The following RBM19 variants were observed in gnomAD, a reference collection of about 807,000 sequenced individuals.
RBM19 encodes the protein RNA binding motif protein 19.
A neutral mutation model predicts 116.8 loss-of-function variants in RBM19; 94 were observed. The observed-to-expected ratio is 0.80, with a 90% confidence interval of 0.68 to 0.95. The LOEUF is 0.95. RBM19 is among the 40% of genes least tolerant of loss of function. The pLI, the probability that RBM19 is intolerant of heterozygous loss-of-function variation, is 0.00. For missense variants in RBM19, 1,161 were observed against 1,220.7 expected (o/e 0.95, Z 0.73); for synonymous variants, 475 against 494.1 (o/e 0.96, Z 0.51).
At chr12:113,948,725 A>C in intron 10 of RBM19, 108 bp downstream of exon 10, 72 of 1,093,814 alleles carry the variant, frequency 6.6e-5, no homozygotes, top group Non-Finnish European at 7.7e-5. Context: ...AACTGAGGCA[A>C]GAGATGTGGA....
intron 23 of RBM19, among the ~76,000 whole-genome samples, chr12:113,830,589 G>GT (rs796386996): frequency 4.1e-5 from 3 of 73,102 alleles, no homozygotes; most frequent in East Asian, 7.0e-4. Context: ...GGGGGGGGGG[G>GT]TGGGCTATGC....
At chr12:113,931,054 AGT>A (rs1243154026) in intron 16 of RBM19, among the ~76,000 whole-genome samples, 4 of 152,372 alleles carry the variant, frequency 2.6e-5, no homozygotes, top group African/African-American at 9.6e-5. Flanking sequence ...TAAACAGAAC[AGT>A]GAGTGACTGT....
intron 20 of RBM19, among the ~76,000 whole-genome samples, chr12:113,916,303 A>C (rs1433547407): frequency 6.6e-6 from 1 of 152,178 alleles, no homozygotes; most frequent in Non-Finnish European, 1.5e-5. Context: ...GTTACTTGGG[A>C]GGCTGAGGCA....
chr12:113,945,685 A>G, intron 13 of RBM19, 143 bp downstream of exon 13: 1 of 661,934 alleles, frequency 1.5e-6, no homozygotes, highest in Non-Finnish European at 2.6e-6. Context: ...AGCACCTTCC[A>G]TTCCAGAGGC....
intron 14 of RBM19, among the ~76,000 whole-genome samples, chr12:113,941,436 TCA>T (rs1485688714): frequency 1.3e-5 from 2 of 152,370 alleles, no homozygotes; most frequent in African/African-American, 2.4e-5. Flanking sequence ...AGAGCTGCTT[TCA>T]CAGAGTGGCC....
rs116970015 is a variant in RBM19, at chr12:113,856,131, G to A, written c.2664+2660C>T. ...CTGATGGGGAGAAGGGCCAGTCCCGGAGAGGCTGTGAGTTGAGCCTGTACT... is the reference window on the plus strand; with the variant it reads ...CTGATGGGGAGAAGGGCCAGTCCCGAAGAGGCTGTGAGTTGAGCCTGTACT... On this transcript the variant is annotated intron_variant, in intron 22 of 23. Transcript: ENST00000261741. Among the ~76,000 whole-genome samples the A allele has an allele frequency of 3.3e-4, 50 of 152,318 alleles. 2 individuals are homozygous for A. In the East Asian group the frequency reaches 9.1e-3, roughly 28 times the overall value.
chr12:113,850,906 C>T (rs927436894), intron 22 of RBM19, among the ~76,000 whole-genome samples: 2 of 152,240 alleles, frequency 1.3e-5, no homozygotes, highest in African/African-American at 4.8e-5. Context: ...GTGGCTGGCA[C>T]TGTTGGGGGC....
At position 113,962,330 on chromosome 12, in the gene RBM19, A is replaced by G. The variant is rs774960617; in HGVS notation, c.121T>C (p.Phe41Leu). 9 of 1,614,248 alleles carry G rather than the reference A, an allele frequency of 5.6e-6. No individual in the cohort carries two copies. In the South Asian group the frequency reaches 6.6e-5, roughly 12 times the overall value. ...AAGCCAATAAAACCAAACTTGCGGA[A>G]CTTGCCATCTTTGGTGAACTTCAGG... Reference protein sequence around the residue: ...CSLKFTKDGKFRKFGFIGFKS... With the variant: ...CSLKFTKDGKLRKFGFIGFKS... The change falls in exon 2 of 24, where the codon TTC (phenylalanine) becomes CTC (leucine). Residue 41 changes from phenylalanine (F) to leucine (L), a missense_variant. Transcript: ENST00000261741.
In RBM19 at chr12:113,823,170, A is replaced by T; in HGVS notation, c.*54T>A. 6 of 1,454,462 alleles carry T rather than the reference A, an allele frequency of 4.1e-6. No individual in the cohort carries two copies. The highest frequency in any genetic ancestry group is 5.7e-6 in the Non-Finnish European group (6 of 1,053,662). 90.1% of individuals were successfully genotyped at this position (1,454,462 alleles called of 1,614,324 possible). On this transcript the variant is annotated 3_prime_UTR_variant, in exon 24 of 24. Coordinates refer to ENST00000261741, the MANE Select transcript of RBM19 (RefSeq NM_016196.4). ...ACATGGTGGTGAGTGCAGAAGCTGG[A>T]GCGGCTGTCCCGGTCCCCAGGGCCC...
At chr12:113,897,166 G>T (rs1881393263) in intron 21 of RBM19, among the ~76,000 whole-genome samples, 1 of 152,196 alleles carries the variant, frequency 6.6e-6, no homozygotes, top group South Asian at 2.1e-4. Flanking sequence ...CTGACAGTCA[G>T]TGTTTATTTT....
rs979827945 is a variant in RBM19, at chr12:113,822,994, G to A, written c.*230C>T. On this transcript the variant is annotated 3_prime_UTR_variant, in exon 24 of 24. Transcript: ENST00000261741. Reference sequence around the variant, plus strand: ...GTGTCTGCTACAGAGCAGGTGCGCAGTCAGTGTCTGCTAGAACGCGTCACT... The same window carrying A: ...GTGTCTGCTACAGAGCAGGTGCGCAATCAGTGTCTGCTAGAACGCGTCACT... 2 of 544,388 alleles carry A rather than the reference G, an allele frequency of 3.7e-6. No homozygotes were observed. Among genetic ancestry groups the A allele is most frequent in the Non-Finnish European group, 6.6e-6 (2 of 302,098 alleles). The allele number at this position is 544,388 out of a possible 1,614,324, so 33.7% of individuals were successfully genotyped here.
chr12:113,873,721 G>A (rs1478610144), intron 21 of RBM19, among the ~76,000 whole-genome samples: 1 of 151,410 alleles, frequency 6.6e-6, no homozygotes, highest in Non-Finnish European at 1.5e-5. Flanking sequence ...AAGGCACTGT[G>A]TATTTTAGGA....
At chr12:113,870,262 G>C (rs1374466359) in intron 21 of RBM19, among the ~76,000 whole-genome samples, 1 of 152,180 alleles carries the variant, frequency 6.6e-6, no homozygotes, top group Non-Finnish European at 1.5e-5. Context: ...CACGCCTCCT[G>C]AAAAGGCTGG....
chr12:113,934,615 C>T (rs188766635), intron 16 of RBM19, among the ~76,000 whole-genome samples: 57 of 152,246 alleles, frequency 3.7e-4, no homozygotes, highest in Non-Finnish European at 7.1e-4. Context: ...ATTCCAGGGG[C>T]AGAGTCCGAC....
intron 1 of RBM19, among the ~76,000 whole-genome samples, chr12:113,963,368 T>C (rs16943516): frequency 0.11 from 16,409 of 152,168 alleles, 1,129 homozygotes; most frequent in African/African-American, 0.18. Flanking sequence ...AAGCAGATAC[T>C]GGGATATTTG....
At chr12:113,966,114 C>G in intron 1 of RBM19, 78 bp downstream of exon 1, 1 of 1,586,504 alleles carries the variant, frequency 6.3e-7, no homozygotes. Context: ...TCTTCGATCA[C>G]CTCCAGGCAT....
intron 20 of RBM19, among the ~76,000 whole-genome samples, chr12:113,918,116 G>C (rs1180001430): frequency 1.4e-5 from 2 of 146,288 alleles, no homozygotes; most frequent in African/African-American, 5.1e-5. Context: ...TCCTGCACTT[G>C]TTCCTTTTCT....
intron 21 of RBM19, among the ~76,000 whole-genome samples, chr12:113,908,573 C>CAAAAAAAAAAAAAAAAAAAAAAAAAAA (rs11338829): frequency 3.0e-5 from 1 of 33,218 alleles, no homozygotes; most frequent in Non-Finnish European, 5.7e-5. Flanking sequence ...AAGAAAATAG[C>CAAAAAAAAAAAAAAAAAAAAAAAAAAA]AAAAAAAAAA....
At chr12:113,854,210 T>C (rs1483055731) in intron 22 of RBM19, among the ~76,000 whole-genome samples, 1 of 152,180 alleles carries the variant, frequency 6.6e-6, no homozygotes, top group East Asian at 1.9e-4. Context: ...TAGAGTCCCA[T>C]GAGGATTAAA....
Sources: gnomAD v4.1 joint callset for allele counts (sites outside exome capture counted in the v4.1 genomes callset) on GRCh38, gnomAD v4.1.1 for gene constraint, MANE v1.5 for transcripts, NCBI Gene and HGNC (gene_info 2026-07-23, HGNC 2026-07-21) for gene names.